Variants in PCGF3 observed in about 807,000 individuals in gnomAD.
PCGF3 encodes polycomb group ring finger 3.
Under a neutral mutation model 33.1 loss-of-function variants are expected in PCGF3, and 7 were observed. The observed-to-expected ratio is 0.21, with a 90% CI of 0.12 to 0.40. PCGF3 has a LOEUF of 0.40. Ranked by LOEUF, PCGF3 falls within the 10% of genes least tolerant of loss-of-function variation. The pLI, the probability that PCGF3 is intolerant of heterozygous loss-of-function variation, is 1.00. For synonymous variants in PCGF3, 153 were observed against 121.3 expected, an observed-to-expected ratio of 1.26 and a Z score of -1.72; for missense variants, 211 against 313.3, an observed-to-expected ratio of 0.67 and a Z score of 2.46.
chr4:710,448 C>T (rs1023765894), intron 1 of PCGF3, among the ~76,000 whole-genome samples: 2 of 152,224 alleles, frequency 1.3e-5, no homozygotes, highest in Non-Finnish European at 2.9e-5. Flanking sequence ...GGTGAGCATA[C>T]GATGGGCAGG....
rs12374324 is a variant in PCGF3 at position 720,426 on chromosome 4, G to A, written c.-189-10204G>A. 0.21 allele frequency among the ~76,000 whole-genome samples: 31,289 copies of A among 152,064 alleles called. 3,727 individuals are homozygous for A. Among genetic ancestry groups the A allele is most frequent in the Middle Eastern group, 0.28 (82 of 292 alleles). ...AGTGGTTTCAGCTCCGGGAGGTGGG[G>A]CTGCCCGTCCAGAGAGGTGCAGGGT... On this transcript the variant is annotated intron_variant, in intron 1 of 10. Transcript: ENST00000362003. This position sits in a 1 kb window ranked among gnomAD's most constrained non-coding sequence, Gnocchi z 5.6.
intron 9 of PCGF3, 71 bp downstream of exon 9, chr4:761,487 T>G: frequency 6.8e-7 from 1 of 1,460,814 alleles, no homozygotes; most frequent in Non-Finnish European, 9.2e-7. Flanking sequence ...CCAAGATTCT[T>G]TGCTTAGTTT....
intron 8 of PCGF3, among the ~76,000 whole-genome samples, chr4:760,572 C>T (rs184985704): frequency 1.4e-3 from 212 of 152,298 alleles, no homozygotes; most frequent in Non-Finnish European, 2.2e-3. Flanking sequence ...CAGTTAACCC[C>T]CTGTCCATTC....
At chr4:710,631 G>A (rs929645931) in intron 1 of PCGF3, among the ~76,000 whole-genome samples, 1 of 152,210 alleles carries the variant, frequency 6.6e-6, no homozygotes, top group South Asian at 2.1e-4. Context: ...GGGTTTCTCC[G>A]ATGTCACCGT....
chr4:766,933 T>C (rs1686797953), exon 11 of PCGF3: 1 of 152,340 alleles, frequency 6.6e-6, no homozygotes, highest in African/African-American at 2.4e-5. Flanking sequence ...ATGTTTTCTT[T>C]CCCTGTTTTG....
intron 8 of PCGF3, 39 bp downstream of exon 8, chr4:744,727 G>A (rs12645284): frequency 3.8e-6 from 2 of 532,956 alleles, no homozygotes; most frequent in East Asian, 4.4e-5. Context: ...GTTAGTGTTC[G>A]CCGTGGAGGC....
In PCGF3 at chr4:710,561, C is replaced by A. The variant is rs561407132; in HGVS notation, c.-190+4591C>A. 3.9e-5 allele frequency among the ~76,000 whole-genome samples: 6 copies of A among 152,292 alleles called. No homozygotes were observed. In the South Asian group the frequency reaches 1.2e-3, roughly 32 times the overall value. ...CATCCCGTAAGTAAATCAGCGATTG[C>A]GTGTGGAGTGACGTGTTAAGATGAG... On this transcript the variant is annotated intron_variant, in intron 1 of 10. Coordinates refer to ENST00000362003, the Ensembl canonical transcript of PCGF3.
Position 762,179 on chromosome 4 carries a change from G to A in PCGF3, c.600+763G>A, listed in dbSNP as rs376499228. 21 of 740,896 alleles carry A rather than the reference G, an allele frequency of 2.8e-5. No homozygotes were observed. In the East Asian group the frequency reaches 6.4e-4, roughly 23 times the overall value. The allele number at this position is 740,896 out of a possible 1,614,324, so 45.9% of individuals were successfully genotyped here. On this transcript the variant is annotated intron_variant, in intron 9 of 10. Transcript: ENST00000362003. ...TGCAAATGGGATCTTGTTTGGAAAA[G>A]GATCTTTGTAGATATAATTAAATAA... is the stretch of plus-strand genomic sequence containing the variant.
intron 1 of PCGF3, among the ~76,000 whole-genome samples, chr4:727,592 T>G (rs1315344153): frequency 6.6e-5 from 10 of 152,198 alleles, no homozygotes; most frequent in Admixed American, 3.3e-4. Flanking sequence ...CAAATGATTT[T>G]TATGCACCTG....
intron 5 of PCGF3, among the ~76,000 whole-genome samples, chr4:735,432 T>G (rs1031453097): frequency 2.6e-5 from 4 of 152,042 alleles, no homozygotes; most frequent in African/African-American, 9.7e-5. Context: ...TATAATCCCA[T>G]CTACTCAGGA....
At chr4:726,604 C>G (rs185252133) in intron 1 of PCGF3, among the ~76,000 whole-genome samples, 1 of 152,220 alleles carries the variant, frequency 6.6e-6, no homozygotes, top group Non-Finnish European at 1.5e-5. Context: ...TCCTCATCCA[C>G]GATCATGACG....
intron 1 of PCGF3, among the ~76,000 whole-genome samples, chr4:716,372 CTG>C (rs766268451): frequency 2.4e-5 from 3 of 126,010 alleles, no homozygotes; most frequent in Admixed American, 7.8e-5. Flanking sequence ...CCTGTGGACA[CTG>C]TGAGTGTGAG....
chr4:751,031 T>A (rs1451944052), intron 8 of PCGF3, among the ~76,000 whole-genome samples: 1 of 150,440 alleles, frequency 6.6e-6, no homozygotes, highest in African/African-American at 2.4e-5. Flanking sequence ...TTTAACCCGT[T>A]GTCTTTGTTG....
At chr4:741,005 A>T (rs1387931260) in intron 6 of PCGF3, among the ~76,000 whole-genome samples, 1 of 152,258 alleles carries the variant, frequency 6.6e-6, no homozygotes, top group Non-Finnish European at 1.5e-5. Flanking sequence ...TCGAAGCCGC[A>T]GTGAACTCTG....
intron 9 of PCGF3, chr4:761,654 G>C: frequency 1.0e-6 from 1 of 984,964 alleles, no homozygotes; most frequent in Non-Finnish European, 1.2e-6. Flanking sequence ...GAACTAGGGC[G>C]GGGATGATGA....
chr4:733,710 C>T (rs1413984703), exon 4 of PCGF3: 2 of 1,610,118 alleles, frequency 1.2e-6, no homozygotes, highest in Admixed American at 1.7e-5. Context: ...AGCTGTGGGA[C>T]ATCAACGCCC....
chr4:754,517 G>A (rs940885454), intron 8 of PCGF3, among the ~76,000 whole-genome samples: 2 of 152,238 alleles, frequency 1.3e-5, no homozygotes, highest in Non-Finnish European at 2.9e-5. Flanking sequence ...AGGGTAGAAA[G>A]AGCCTCTCCT....
At chr4:722,698 T>C (rs189522450) in intron 1 of PCGF3, among the ~76,000 whole-genome samples, 14,676 of 37,036 alleles carry the variant, frequency 0.4, 3,906 homozygotes, top group African/African-American at 0.58. Context: ...CGTCATCACC[T>C]GTCTGCGCTG....
intron 8 of PCGF3, among the ~76,000 whole-genome samples, chr4:753,939 G>A (rs1444917589): frequency 9.2e-5 from 14 of 152,154 alleles, no homozygotes; most frequent in African/African-American, 2.9e-4. Flanking sequence ...GACCTTCTAC[G>A]AACCCTACAT....
Sources: gnomAD v4.1 joint callset for allele counts (sites outside exome capture counted in the v4.1 genomes callset) on GRCh38, gnomAD v4.1.1 for gene constraint, Gnocchi (gnomAD v3.1) non-coding constraint, MANE v1.5 for transcripts, NCBI Gene and HGNC (gene_info 2026-07-23, HGNC 2026-07-21) for gene names.